Variants in IFT88 observed in about 807,000 individuals in gnomAD.
The protein encoded by IFT88 is intraflagellar transport protein 88 homolog.
In IFT88, 74 loss-of-function variants were observed where a neutral mutation model predicts 119.5. That is an observed-to-expected ratio of 0.62 (90% CI 0.51 to 0.75). IFT88 has a LOEUF of 0.75. Ranked by LOEUF, IFT88 falls within the 30% of genes least tolerant of loss-of-function variation. The probability of loss-of-function intolerance (pLI) is 0.00; values close to 1 mark genes in which losing one functional copy is unlikely to be tolerated. For missense variants in IFT88, 961 were observed against 977.7 expected (o/e 0.98, Z 0.23); for synonymous variants, 279 against 316.7 (o/e 0.88, Z 1.26).
At chr13:20,643,236 A>G (rs2050234212) in intron 18 of IFT88, among the ~76,000 whole-genome samples, 1 of 152,212 alleles carries the variant, frequency 6.6e-6, no homozygotes, top group Non-Finnish European at 1.5e-5. Context: ...GTGGATAGTA[A>G]TGGAGGAAAA....
intron 14 of IFT88, among the ~76,000 whole-genome samples, chr13:20,624,161 G>A (rs2046958805): frequency 6.6e-6 from 1 of 152,150 alleles, no homozygotes; most frequent in African/African-American, 2.4e-5. Flanking sequence ...GTATTCTGCT[G>A]TTGTTGGGGA....
intron 3 of IFT88, among the ~76,000 whole-genome samples, chr13:20,588,357 A>G (rs1027251546): frequency 2.6e-5 from 4 of 152,072 alleles, no homozygotes; most frequent in East Asian, 1.9e-4. Flanking sequence ...GTTAAAGTCT[A>G]TGTGTGATAT....
At chr13:20,571,257 G>T (rs1278312417) in intron 1 of IFT88, among the ~76,000 whole-genome samples, 1 of 152,230 alleles carries the variant, frequency 6.6e-6, no homozygotes, top group African/African-American at 2.4e-5. Context: ...GCCTCCCAAA[G>T]TGCTGGGATT....
chr13:20,590,909 A>G (rs770899208), intron 4 of IFT88, 58 bp from the exon 5 acceptor site: 44 of 1,236,704 alleles, frequency 3.6e-5, no homozygotes, highest in Non-Finnish European at 4.8e-5. Context: ...AACTTGGTTT[A>G]AACATTTAAG....
At chr13:20,602,754 G>A (rs969148503) in intron 12 of IFT88, among the ~76,000 whole-genome samples, 5 of 151,810 alleles carry the variant, frequency 3.3e-5, no homozygotes, top group Non-Finnish European at 7.4e-5. Context: ...ATGGTGGTGG[G>A]CGCCTGTAAT....
rs1566247900 is a variant in IFT88, at chr13:20,625,775, C to G, written c.1225C>G (p.Gln409Glu). The change falls in exon 15 of 26, where the codon CAA becomes GAA. Residue 409 changes from glutamine (Q) to glutamate (E), a missense_variant. Physicochemically the swap from Gln to Glu is conservative, Grantham distance 29. Coordinates refer to ENST00000351808, the MANE Select transcript of IFT88 (RefSeq NM_006531.5). ...GTGCGTGGAAGTGGTGAAAGCTTCT[C>G]AATATGTAGAGCTAGCCAATGATCT... Reference protein sequence around the residue: ...DWCVEVVKASQYVELANDLEI... With the variant: ...DWCVEVVKASEYVELANDLEI... 6.2e-7 allele frequency: 1 copy of G among 1,605,128 alleles called. No homozygotes were observed. Among genetic ancestry groups the G allele is most frequent in the Non-Finnish European group, 8.5e-7 (1 of 1,177,322 alleles).
intron 1 of IFT88, 77 bp from the exon 2 acceptor site, chr13:20,574,303 G>A: frequency 1.4e-6 from 1 of 717,162 alleles, no homozygotes; most frequent in Admixed American, 2.9e-5. Flanking sequence ...CTGGGCAACA[G>A]AGCAAGACAT....
intron 22 of IFT88, among the ~76,000 whole-genome samples, chr13:20,657,734 C>G (rs968827601): frequency 2.0e-5 from 3 of 151,844 alleles, no homozygotes; most frequent in African/African-American, 7.3e-5. Context: ...TGAAGACCAG[C>G]CTGGCCAATA....
At chr13:20,652,459 A>C (rs1307933255) in intron 20 of IFT88, among the ~76,000 whole-genome samples, 1 of 151,838 alleles carries the variant, frequency 6.6e-6, no homozygotes, top group Non-Finnish European at 1.5e-5. Flanking sequence ...CAACATGGCA[A>C]AACTCTCTTT....
chr13:20,578,949 C>T (rs558229148), intron 2 of IFT88, among the ~76,000 whole-genome samples: 6 of 152,232 alleles, frequency 3.9e-5, no homozygotes, highest in Non-Finnish European at 5.9e-5. Flanking sequence ...GTCTGGCTAA[C>T]GGTTTGTCAA....
At chr13:20,578,320 T>A (rs1231956604) in intron 2 of IFT88, among the ~76,000 whole-genome samples, 2 of 151,222 alleles carry the variant, frequency 1.3e-5, no homozygotes, top group Non-Finnish European at 2.9e-5. Flanking sequence ...GTGCTGGGAT[T>A]ACAGGCGTGA....
intron 1 of IFT88, among the ~76,000 whole-genome samples, chr13:20,571,123 A>T (rs969837768): frequency 2.6e-5 from 4 of 152,110 alleles, no homozygotes; most frequent in African/African-American, 9.6e-5. Context: ...CCTCCTGAGT[A>T]CCTGGGATTA....
At chr13:20,643,170 A>G (rs1594562953) in intron 18 of IFT88, among the ~76,000 whole-genome samples, 2 of 152,202 alleles carry the variant, frequency 1.3e-5, no homozygotes, top group African/African-American at 2.4e-5. Context: ...TTTATTAAGG[A>G]CAATTTTTGG....
intron 21 of IFT88, among the ~76,000 whole-genome samples, chr13:20,654,931 C>T (rs2052478582): frequency 6.6e-6 from 1 of 152,064 alleles, no homozygotes; most frequent in Non-Finnish European, 1.5e-5. Context: ...GAAGCAGCAG[C>T]TAGCATTGAG....
At chr13:20,661,037 A>G (rs776489296) in intron 22 of IFT88, among the ~76,000 whole-genome samples, 5 of 152,178 alleles carry the variant, frequency 3.3e-5, no homozygotes, top group Non-Finnish European at 5.9e-5. Flanking sequence ...CAGAACTTTT[A>G]CCAACTATTT....
intron 24 of IFT88, among the ~76,000 whole-genome samples, chr13:20,679,861 T>A (rs189630553): frequency 1.3e-5 from 2 of 152,248 alleles, no homozygotes; most frequent in Admixed American, 1.3e-4. Flanking sequence ...GAGGTACCAC[T>A]ATACCACCAT....
intron 21 of IFT88, 140 bp from the exon 22 acceptor site, chr13:20,656,225 G>A (rs2052770186): frequency 3.2e-6 from 1 of 310,348 alleles, no homozygotes; most frequent in African/African-American, 2.2e-5. Flanking sequence ...TCTTCTAAAA[G>A]TTATATTAAG....
intron 23 of IFT88, among the ~76,000 whole-genome samples, chr13:20,669,177 C>G (rs1307249164): frequency 6.6e-6 from 1 of 152,088 alleles, no homozygotes. Flanking sequence ...CTAGGCTGGA[C>G]AGAAAGTAGG....
chr13:20,660,140 A>G (rs1302450732), intron 22 of IFT88, among the ~76,000 whole-genome samples: 3 of 152,220 alleles, frequency 2.0e-5, no homozygotes, highest in African/African-American at 7.2e-5. Context: ...CTATGAAGGC[A>G]AAACAGGTAA....
Sources: gnomAD v4.1 joint callset for allele counts (sites outside exome capture counted in the v4.1 genomes callset) on GRCh38, gnomAD v4.1.1 for gene constraint, MANE v1.5 for transcripts, NCBI Gene and HGNC (gene_info 2026-07-23, HGNC 2026-07-21) for gene names.